Variants in TTLL9 observed in about 807,000 individuals in gnomAD.
The protein encoded by TTLL9 is probable tubulin polyglutamylase TTLL9.
TTLL9 carries 47 observed loss-of-function variants against 65.6 expected under a neutral mutation model. The ratio of observed to expected loss-of-function variants is 0.72; its 90% confidence interval spans 0.57 to 0.91. The LOEUF (loss-of-function observed/expected upper bound fraction) is 0.91. TTLL9 is among the 40% of genes least tolerant of loss of function. The pLI is 0.00. For missense variants in TTLL9, 537 were observed against 568.8 expected (o/e 0.94, Z 0.57); for synonymous variants, 179 against 204.8 (o/e 0.87, Z 1.07).
intron 2 of TTLL9, among the ~76,000 whole-genome samples, chr20:31,881,359 A>C (rs1418790400): frequency 1.3e-5 from 2 of 152,198 alleles, no homozygotes; most frequent in Non-Finnish European, 2.9e-5. Context: ...AGCTGACTAC[A>C]GTTGATACAT....
At chr20:31,906,736 AC>A (rs1004183530) in intron 4 of TTLL9, among the ~76,000 whole-genome samples, 5 of 151,598 alleles carry the variant, frequency 3.3e-5, no homozygotes, top group Admixed American at 1.3e-4. Flanking sequence ...CACAACCTCC[AC>A]CCCCCTGCTC....
rs1021245572 is a variant in TTLL9 at position 31,944,718 on chromosome 20, C to G, written c.*1697C>G. On this transcript the variant is annotated 3_prime_UTR_variant, in exon 15 of 15. Transcript: ENST00000535842. Reference sequence around the variant, plus strand: ...ACTTCACAACCCATATGTCTAGCTTCTCTTGAAAACACGTAAGAACTGGCC... The same window carrying G: ...ACTTCACAACCCATATGTCTAGCTTGTCTTGAAAACACGTAAGAACTGGCC... 1 of 152,240 alleles carries G rather than the reference C, an allele frequency of 6.6e-6. No homozygotes were observed. Among genetic ancestry groups the G allele is most frequent in the African/African-American group, 2.4e-5 (1 of 41,464 alleles). 9.4% of individuals were successfully genotyped at this position (152,240 alleles called of 1,614,324 possible).
intron 10 of TTLL9, among the ~76,000 whole-genome samples, chr20:31,929,623 C>T (rs1049225351): frequency 4.0e-5 from 6 of 151,756 alleles, no homozygotes; most frequent in African/African-American, 1.5e-4. Flanking sequence ...AAATATTCCA[C>T]TGAGTAGGTT....
intron 5 of TTLL9, 90 bp from the exon 6 acceptor site, chr20:31,909,647 G>T: frequency 8.2e-7 from 1 of 1,224,426 alleles, no homozygotes; most frequent in Non-Finnish European, 1.2e-6. Context: ...GAGCATGGAG[G>T]CTGCAGGGTG....
intron 9 of TTLL9, 181 bp from the exon 10 acceptor site, chr20:31,925,866 GCC>G: frequency 1.9e-6 from 3 of 1,551,408 alleles, no homozygotes; most frequent in Non-Finnish European, 2.6e-6. Context: ...TCCCACCTCT[GCC>G]TTAGTACATC....
chr20:31,934,951 A>G (rs1287286038), intron 12 of TTLL9, 63 bp downstream of exon 12: 2 of 1,482,866 alleles, frequency 1.3e-6, no homozygotes, highest in East Asian at 2.3e-5. Context: ...CAGACTGCCC[A>G]GGTTTGAATC....
chr20:31,896,095 C>T (rs755580251), intron 3 of TTLL9, among the ~76,000 whole-genome samples: 1 of 152,216 alleles, frequency 6.6e-6, no homozygotes, highest in Non-Finnish European at 1.5e-5. Flanking sequence ...CTGCCTCAGC[C>T]TCCCAGAGTG....
chr20:31,896,520 G>T (rs563821414), intron 3 of TTLL9, among the ~76,000 whole-genome samples: 2 of 150,324 alleles, frequency 1.3e-5, no homozygotes, highest in East Asian at 1.9e-4. Context: ...TGATTACATT[G>T]TTTTTTTTGT....
chr20:31,934,538 G>A lies in TTLL9; in HGVS notation c.808-154G>A. On this transcript the variant is annotated intron_variant, in intron 11 of 14. Coordinates refer to ENST00000535842, the MANE Select transcript of TTLL9 (RefSeq NM_001008409.5). The stretch of plus-strand genomic sequence containing the variant: ...GAAGAATTTTTGCCCCTCAAAGAGG[G>A]GCACACCTGGGGTCATCCTAATTAC... 3 of 722,448 alleles carry A rather than the reference G, an allele frequency of 4.2e-6. No individual in the cohort carries two copies. The South Asian group carries it at 5.2e-5, about 12-fold the overall frequency. 44.8% of individuals were successfully genotyped at this position (722,448 alleles called of 1,614,324 possible).
At chr20:31,921,897 C>T (rs2063821209) in intron 7 of TTLL9, among the ~76,000 whole-genome samples, 2 of 152,060 alleles carry the variant, frequency 1.3e-5, no homozygotes, top group Non-Finnish European at 2.9e-5. Context: ...GGGTGCAGCA[C>T]ACCAACATGG....
At chr20:31,915,397 G>T (rs1291979007) in intron 6 of TTLL9, among the ~76,000 whole-genome samples, 1 of 152,160 alleles carries the variant, frequency 6.6e-6, no homozygotes, top group Non-Finnish European at 1.5e-5. Flanking sequence ...CAGGAGAATG[G>T]CATGAATCCA....
chr20:31,933,687 G>A (rs146586038), intron 10 of TTLL9, 113 bp from the exon 11 acceptor site: 12 of 972,302 alleles, frequency 1.2e-5, no homozygotes, highest in South Asian at 3.6e-5. Flanking sequence ...ACACACGACC[G>A]TGGAGCTATT....
At chr20:31,941,666 A>T (rs1191332909) in intron 14 of TTLL9, among the ~76,000 whole-genome samples, 3 of 152,132 alleles carry the variant, frequency 2.0e-5, no homozygotes, top group Non-Finnish European at 4.4e-5. Context: ...AGGCTCAAGC[A>T]GTCCTCCTAC....
chr20:31,943,075 C>T lies in TTLL9; in HGVS notation c.*54C>T, dbSNP rs765352958. 1.3e-5 allele frequency: 20 copies of T among 1,523,812 alleles called. No homozygotes were observed. The highest frequency in any genetic ancestry group is 2.2e-5 in the East Asian group (1 of 44,466). 94.4% of individuals were successfully genotyped at this position (1,523,812 alleles called of 1,614,324 possible). On this transcript the variant is annotated 3_prime_UTR_variant, in exon 15 of 15. Transcript: ENST00000535842. ...TAGCAGGTGCCACCCAGGCCTCCCCCCCACTCCCAGATCCCAGCACAGCAC... is the reference window on the plus strand; with the variant it reads ...TAGCAGGTGCCACCCAGGCCTCCCCTCCACTCCCAGATCCCAGCACAGCAC...
chr20:31,887,161 A>G (rs1234896072), intron 2 of TTLL9, 35 bp from the exon 3 acceptor site: 1 of 1,612,574 alleles, frequency 6.2e-7, no homozygotes, highest in Non-Finnish European at 8.5e-7. Context: ...CAGATATACA[A>G]AACCAGTTAC....
intron 8 of TTLL9, among the ~76,000 whole-genome samples, 186 bp downstream of exon 8, chr20:31,923,239 A>C (rs2063840277): frequency 6.6e-6 from 1 of 152,198 alleles, no homozygotes; most frequent in Non-Finnish European, 1.5e-5. Context: ...TCTGCCCGGC[A>C]TGTCCATTCC....
intron 3 of TTLL9, among the ~76,000 whole-genome samples, chr20:31,889,016 C>G (rs1411924376): frequency 6.7e-6 from 1 of 150,290 alleles, no homozygotes; most frequent in Non-Finnish European, 1.5e-5. Context: ...ATATCAAGGC[C>G]CCATCTACTT....
chr20:31,883,488 G>A (rs1419958058), intron 2 of TTLL9, among the ~76,000 whole-genome samples: 1 of 152,088 alleles, frequency 6.6e-6, no homozygotes, highest in African/African-American at 2.4e-5. Flanking sequence ...GAGCCACTGT[G>A]CCCAGCAAGA....
In TTLL9 at chr20:31,934,861, A is replaced by T. The variant is rs2123627006; in HGVS notation, c.977A>T (p.Asp326Val). The T allele has an allele frequency of 1.9e-6, 3 of 1,613,526 alleles. No homozygotes were observed. The highest frequency in any genetic ancestry group is 1.7e-4 in the Middle Eastern group (1 of 6,000). Reference sequence around the variant, plus strand: ...CACTGCTTCGAGCTGTACGGCTATGACATCCTCATCGACCAGGACCTCAAG... The same window carrying T: ...CACTGCTTCGAGCTGTACGGCTATGTCATCCTCATCGACCAGGACCTCAAG... ...DKHCFELYGY[D>V]ILIDQDLKPW... Residue 326 changes from aspartate to valine, a missense_variant, in exon 12 of 15, where the codon GAC (aspartate) becomes GTC (valine). Coordinates refer to ENST00000535842, the MANE Select transcript of TTLL9 (RefSeq NM_001008409.5).
Sources: allele counts gnomAD v4.1 joint callset (sites outside exome capture counted in the v4.1 genomes callset), GRCh38; gene constraint gnomAD v4.1.1; transcripts MANE v1.5; gene names NCBI Gene and HGNC (gene_info 2026-07-23, HGNC 2026-07-21).